ACOX1: variants seen among roughly 807,000 people sequenced by gnomAD.
ACOX1 encodes the protein acyl-CoA oxidase 1.
Under a neutral mutation model 75.5 loss-of-function variants are expected in ACOX1, and 41 were observed. The observed-to-expected ratio is 0.54, with a 90% confidence interval of 0.42 to 0.70. ACOX1 has a LOEUF of 0.70. ACOX1 is among the 30% of genes least tolerant of loss of function. The pLI is 0.00. For synonymous variants in ACOX1, 303 were observed against 298.8 expected, an observed-to-expected ratio of 1.01 and a Z score of -0.15; for missense variants, 630 against 837.5, an observed-to-expected ratio of 0.75 and a Z score of 3.06.
chr17:75,961,292 CA>C (rs34895245), intron 2 of ACOX1, among the ~76,000 whole-genome samples: 2,555 of 65,736 alleles, frequency 0.039, 34 homozygotes, highest in East Asian at 0.14. Flanking sequence ...GACTCCATCT[CA>C]AAAAAAAAAA....
intron 2 of ACOX1, among the ~76,000 whole-genome samples, chr17:75,965,816 G>A (rs2065926912): frequency 6.6e-6 from 1 of 152,078 alleles, no homozygotes; most frequent in South Asian, 2.1e-4. Context: ...CTGGGCAGCA[G>A]AGCAAGAACC....
chr17:75,956,114 T>C (rs954472876), intron 4 of ACOX1, among the ~76,000 whole-genome samples, 167 bp from the exon 5 acceptor site: 6 of 152,210 alleles, frequency 3.9e-5, no homozygotes, highest in African/African-American at 1.4e-4. Context: ...CAGAAAGAAA[T>C]TCCCTTAAGC....
chr17:75,955,513 G>T, intron 6 of ACOX1, 53 bp downstream of exon 6: 1 of 1,421,702 alleles, frequency 7.0e-7, no homozygotes, highest in Non-Finnish European at 9.9e-7. Flanking sequence ...GTGAGTAACA[G>T]CCACTCAACT....
rs189621413 is a variant in ACOX1 at position 75,958,604 on chromosome 17, C to G, written c.431-1038G>C. Among the ~76,000 whole-genome samples the G allele has an allele frequency of 9.6e-4, 145 of 151,106 alleles. 3 individuals are homozygous for G. Among genetic ancestry groups the G allele is most frequent in the South Asian group, 3.1e-3 (15 of 4,806 alleles). ...CGGGCGGATCACAAAGTCAGGAGAT[C>G]GAGACCATCCTGGTTAACACGGCGA... is the stretch of plus-strand genomic sequence containing the variant. On this transcript the variant is annotated intron_variant, in intron 3 of 13. Transcript: ENST00000293217.
At chr17:75,951,355 A>G (rs1156459518) in intron 8 of ACOX1, 60 bp downstream of exon 8, 4 of 1,604,488 alleles carry the variant, frequency 2.5e-6, no homozygotes, top group Admixed American at 1.7e-5. Context: ...TCTGGACCTC[A>G]TCCAACAGGC....
rs1316503243 is a variant in ACOX1, at chr17:75,941,512, T to C, written c.*5236A>G. The C allele has an allele frequency of 6.6e-6, 1 of 152,236 alleles. No individual in the cohort carries two copies. The highest frequency in any genetic ancestry group is 2.4e-5 in the African/African-American group (1 of 41,460). The allele number at this position is 152,236 out of a possible 1,614,324, so 9.4% of individuals were successfully genotyped here. A position where few individuals can be genotyped will look rare whatever the true frequency, so the allele number is the denominator to read the frequency against. ...CACAAAAAGATTAAGTCACATTTTT[T>C]CTAGTATGTGCTAATTATGAATTTT... On this transcript the variant is annotated 3_prime_UTR_variant, in exon 14 of 14. Coordinates refer to ENST00000293217, the MANE Select transcript of ACOX1 (RefSeq NM_004035.7).
Position 75,949,326 on chromosome 17 carries a change from G to T in ACOX1, c.1619C>A (p.Ser540Ter). ...HCHYVVVKLFSEKLLKIQDKA... is the reference protein window; with the variant it reads ...HCHYVVVKLF ...ATCTTGAATTTTGAGGAGTTTTTCTGAAAAGAGCTTAACTACCACATAGTG... is the reference window on the plus strand; with the variant it reads ...ATCTTGAATTTTGAGGAGTTTTTCTTAAAAGAGCTTAACTACCACATAGTG... The change falls in exon 12 of 14, where the codon TCA (serine) becomes TAA (stop). Residue 540 changes from serine to a stop codon, truncating the protein, a stop_gained. Transcript: ENST00000293217. LOFTEE classifies it high-confidence loss of function. 6.2e-7 allele frequency: 1 copy of T among 1,614,140 alleles called. No homozygotes were observed. Among genetic ancestry groups the T allele is most frequent in the Non-Finnish European group, 8.5e-7 (1 of 1,180,022 alleles).
At chr17:75,949,625 T>A (rs1371200157) in intron 10 of ACOX1, 25 bp from the exon 11 acceptor site, 1 of 1,613,388 alleles carries the variant, frequency 6.2e-7, no homozygotes, top group Non-Finnish European at 8.5e-7. Flanking sequence ...ATTGGAGGTC[T>A]GAGGAAATGA....
intron 12 of ACOX1, among the ~76,000 whole-genome samples, 165 bp downstream of exon 12, chr17:75,949,052 G>A (rs1395160762): frequency 6.6e-6 from 1 of 151,012 alleles, no homozygotes; most frequent in East Asian, 1.9e-4. Context: ...TAGAGACAGG[G>A]TTTCACCAGG....
At chr17:75,965,466 T>C (rs1473883804) in intron 2 of ACOX1, among the ~76,000 whole-genome samples, 1 of 151,622 alleles carries the variant, frequency 6.6e-6, no homozygotes, top group East Asian at 1.9e-4. Context: ...AACTTAAAAT[T>C]CCAGATAGAG....
intron 6 of ACOX1, among the ~76,000 whole-genome samples, 193 bp downstream of exon 6, chr17:75,955,373 A>C (rs1403150564): frequency 6.6e-6 from 1 of 151,848 alleles, no homozygotes; most frequent in Admixed American, 6.6e-5. Context: ...TATGTTGCCC[A>C]GACTGATCTT....
chr17:75,961,889 G>A (rs1269901690), intron 2 of ACOX1, among the ~76,000 whole-genome samples: 1 of 152,054 alleles, frequency 6.6e-6, no homozygotes. Context: ...GGAGAACAGA[G>A]AATTTGAGTG....
chr17:75,956,350 A>C (rs1283917334), intron 4 of ACOX1, among the ~76,000 whole-genome samples: 1 of 152,196 alleles, frequency 6.6e-6, no homozygotes, highest in Non-Finnish European at 1.5e-5. Context: ...CTGTATTGGA[A>C]ATATATATTC....
At chr17:75,968,229 G>A (rs1249199563) in intron 2 of ACOX1, among the ~76,000 whole-genome samples, 1 of 149,172 alleles carries the variant, frequency 6.7e-6, no homozygotes. Context: ...GAGGTCAGGA[G>A]ATCGAGACCA....
intron 3 of ACOX1, among the ~76,000 whole-genome samples, chr17:75,959,834 T>C (rs978494454): frequency 6.6e-6 from 1 of 152,192 alleles, no homozygotes; most frequent in African/African-American, 2.4e-5. Flanking sequence ...CTTCTGGAAT[T>C]TGTACTCATT....
intron 2 of ACOX1, among the ~76,000 whole-genome samples, chr17:75,976,991 C>CTTTTTTTT (rs1019883355): frequency 3.8e-5 from 3 of 78,880 alleles, no homozygotes; most frequent in Non-Finnish European, 2.4e-5. Flanking sequence ...GCAAAAAAGT[C>CTTTTTTTT]TTTTTTTTTT....
chr17:75,968,538 G>A (rs1266447641), intron 2 of ACOX1, among the ~76,000 whole-genome samples: 4 of 149,144 alleles, frequency 2.7e-5, no homozygotes, highest in East Asian at 1.9e-4. Flanking sequence ...CCCAGGAGGC[G>A]GAGCTTGCAG....
At chr17:75,957,404 A>G (rs933256009) in intron 4 of ACOX1, 55 bp downstream of exon 4, 9 of 1,488,150 alleles carry the variant, frequency 6.0e-6, no homozygotes, top group Non-Finnish European at 8.4e-6. Flanking sequence ...CATTCTAAGC[A>G]AAATCTCATG....
rs1012094099 is a variant in ACOX1, at chr17:75,950,668, A to G, written c.1298+106T>C. ...GAAGGCAAAAGTATACCTTTCAGGA[A>G]CAAATATATATATACGGTGAAGAAA... On this transcript the variant is annotated intron_variant, in intron 9 of 13. Coordinates refer to ENST00000293217, the MANE Select transcript of ACOX1 (RefSeq NM_004035.7). This position sits in a 1 kb window ranked among gnomAD's most constrained non-coding sequence, Gnocchi z 4.3. 3.2e-5 allele frequency: 41 copies of G among 1,286,994 alleles called. No individual in the cohort carries two copies. The Middle Eastern group carries it at 5.7e-4, about 18-fold the overall frequency. The allele number at this position is 1,286,994 out of a possible 1,614,324, so 79.7% of individuals were successfully genotyped here.
Sources: gnomAD v4.1 joint callset for allele counts (sites outside exome capture counted in the v4.1 genomes callset) on GRCh38, gnomAD v4.1.1 for gene constraint, Gnocchi (gnomAD v3.1) non-coding constraint, MANE v1.5 for transcripts, NCBI Gene and HGNC (gene_info 2026-07-23, HGNC 2026-07-21) for gene names.